The following SLC4A4 variants were observed in gnomAD, a reference collection of about 807,000 sequenced individuals.
The protein encoded by SLC4A4 is electrogenic sodium bicarbonate cotransporter 1.
SLC4A4 carries 27 observed loss-of-function variants against 111.5 expected under a neutral mutation model. The ratio of observed to expected loss-of-function variants is 0.24; its 90% CI spans 0.18 to 0.33. SLC4A4 has a LOEUF of 0.33. SLC4A4 is among the 10% of genes least tolerant of loss of function. The pLI, the probability that SLC4A4 is intolerant of heterozygous loss-of-function variation, is 1.00. For synonymous variants in SLC4A4, 443 were observed against 463.4 expected (o/e 0.96, Z 0.57); for missense variants, 909 against 1,315.5 (o/e 0.69, Z 4.78).
chr4:71,377,574 C>T (rs960292484), intron 6 of SLC4A4, among the ~76,000 whole-genome samples: 2 of 152,146 alleles, frequency 1.3e-5, no homozygotes, highest in African/African-American at 4.8e-5. Context: ...TAGCCCCAAA[C>T]ATCTGTGTGG....
Position 71,472,983 on chromosome 4 carries a change from C to A in SLC4A4, c.1903+13C>A. On this transcript the variant is annotated intron_variant, in intron 14 of 25. Transcript: ENST00000264485. Reference sequence around the variant, plus strand: ...CCACCTGACCCAGGTGAGGGCATTACGCTTTGTGTTTATGCTCGCTTTGTA... The same window carrying A: ...CCACCTGACCCAGGTGAGGGCATTAAGCTTTGTGTTTATGCTCGCTTTGTA... The A allele has an allele frequency of 1.2e-6, 2 of 1,612,778 alleles. No homozygotes were observed. The highest frequency in any genetic ancestry group is 8.5e-7 in the Non-Finnish European group (1 of 1,179,248).
At chr4:71,467,337 G>T (rs1727464336) in intron 13 of SLC4A4, among the ~76,000 whole-genome samples, 1 of 152,006 alleles carries the variant, frequency 6.6e-6, no homozygotes, top group Admixed American at 6.6e-5. Flanking sequence ...CCTCACCCCA[G>T]TTTCATGTTC....
intron 16 of SLC4A4, among the ~76,000 whole-genome samples, chr4:71,530,069 T>A (rs1259801468): frequency 6.6e-6 from 1 of 152,118 alleles, no homozygotes; most frequent in Non-Finnish European, 1.5e-5. Flanking sequence ...AGAAACATCC[T>A]TTTTTTGCTG....
chr4:71,160,538 G>A (rs1209178465), intron 2 of SLC4A4, among the ~76,000 whole-genome samples: 2 of 152,102 alleles, frequency 1.3e-5, no homozygotes, highest in Non-Finnish European at 1.5e-5. Flanking sequence ...AAATAATGAG[G>A]AGAAGAAACC....
chr4:71,392,032 T>A (rs1477142072), intron 6 of SLC4A4, among the ~76,000 whole-genome samples: 3 of 152,098 alleles, frequency 2.0e-5, no homozygotes, highest in Admixed American at 2.0e-4. Flanking sequence ...TCTTCTGAAA[T>A]GTCAGATGTA....
At chr4:71,200,475 C>T (rs140368211) in intron 1 of SLC4A4, among the ~76,000 whole-genome samples, 25 of 152,240 alleles carry the variant, frequency 1.6e-4, no homozygotes, top group African/African-American at 4.3e-4. Flanking sequence ...ATAATTCAGA[C>T]GTGGTCTCAG....
rs938554904 is a variant in SLC4A4, at chr4:71,236,173, G to T, written c.-1-403G>T. 7.2e-5 allele frequency: 76 copies of T among 1,058,242 alleles called. 1 individual carries two copies. In the Middle Eastern group the frequency reaches 1.8e-3, roughly 25 times the overall value. 65.6% of individuals were successfully genotyped at this position (1,058,242 alleles called of 1,614,324 possible). A position where few individuals can be genotyped will look rare whatever the true frequency, so the allele number is the denominator to read the frequency against. On this transcript the variant is annotated intron_variant, in intron 1 of 25. Transcript: ENST00000264485. ...GGTGTTTAAAGAGCTAAGCACTGAA[G>T]CTGGATTTCCACAAACGATCATCAC...
chr4:71,392,626 C>G (rs1293142683), intron 6 of SLC4A4, among the ~76,000 whole-genome samples: 1 of 152,004 alleles, frequency 6.6e-6, no homozygotes, highest in Non-Finnish European at 1.5e-5. Context: ...TCTTTTGACA[C>G]TATTCCACAA....
At chr4:71,232,552 C>G (rs1719504296) in intron 1 of SLC4A4, among the ~76,000 whole-genome samples, 1 of 152,104 alleles carries the variant, frequency 6.6e-6, no homozygotes, top group Admixed American at 6.5e-5. Flanking sequence ...GCTGGGACAA[C>G]AGGTGCACAC....
intron 1 of SLC4A4, among the ~76,000 whole-genome samples, chr4:71,071,606 G>T (rs184658378): frequency 6.6e-6 from 1 of 152,128 alleles, no homozygotes; most frequent in Non-Finnish European, 1.5e-5. Context: ...TGCTACTAGC[G>T]TCTTAAGTTA....
intron 1 of SLC4A4, among the ~76,000 whole-genome samples, chr4:71,198,883 A>T (rs570772842): frequency 6.6e-6 from 1 of 152,340 alleles, no homozygotes; most frequent in East Asian, 1.9e-4. Flanking sequence ...TACAGTGGGT[A>T]TTTATGTGAG....
Position 71,534,302 on chromosome 4 carries a change from A to C in SLC4A4, c.2356A>C (p.Ile786Leu). 1 of 1,613,758 alleles carries C rather than the reference A, an allele frequency of 6.2e-7. No individual in the cohort carries two copies. The highest frequency in any genetic ancestry group is 8.5e-7 in the Non-Finnish European group (1 of 1,179,792). The stretch of plus-strand genomic sequence containing the variant: ...CTGGTGGGTGTGCCTTGCTGCTGCT[A>C]TCCCGGCTTTGTTGGTCACTATACT... Reference protein sequence around the residue: ...NPWWVCLAAAIPALLVTILIF... With the variant: ...NPWWVCLAAALPALLVTILIF... Residue 786 changes from isoleucine to leucine, a missense_variant, in exon 18 of 26, where the codon ATC (isoleucine) becomes CTC (leucine). By Grantham distance (5) the Ile-to-Leu change is conservative. This residue lies in a region of SLC4A4 where 264 missense variants were observed against 356.8 expected (regional missense o/e 0.74). Coordinates refer to ENST00000264485, the MANE Select transcript of SLC4A4 (RefSeq NM_001098484.3).
At chr4:71,393,542 A>G (rs1719512797) in intron 6 of SLC4A4, among the ~76,000 whole-genome samples, 1 of 152,196 alleles carries the variant, frequency 6.6e-6, no homozygotes, top group Admixed American at 6.5e-5. Context: ...AACATATCCC[A>G]TGCTCATGGA....
At chr4:71,184,942 C>T (rs576778988), upstream of SLC4A4, among the ~76,000 whole-genome samples, 3 of 152,258 alleles carry the variant, frequency 2.0e-5, no homozygotes, top group African/African-American at 7.2e-5. Context: ...AACGCTTTGC[C>T]AAAGACTCTT....
At position 71,487,004 on chromosome 4, in the gene SLC4A4, T is replaced by C. The variant is rs775007084; in HGVS notation, c.1960T>C (p.Ser654Pro). Residue 654 changes from serine (S) to proline (P), a missense_variant, in exon 15 of 26, where the codon TCT (serine) becomes CCT (proline). Coordinates refer to ENST00000264485, the MANE Select transcript of SLC4A4 (RefSeq NM_001098484.3). ...TLAPEYLPTM[S>P]STDMYHNTTF... ...GGCCCCAGAGTATTTGCCAACTATG[T>C]CTTCTACTGACATGGTAAGTGACTT... is the stretch of plus-strand genomic sequence containing the variant. 6.3e-7 allele frequency: 1 copy of C among 1,594,614 alleles called. No homozygotes were observed. Among genetic ancestry groups the C allele is most frequent in the South Asian group, 1.1e-5 (1 of 90,610 alleles).
intron 2 of SLC4A4, among the ~76,000 whole-genome samples, chr4:71,129,113 T>C (rs190679039): frequency 1.8e-4 from 28 of 152,132 alleles, no homozygotes; most frequent in Non-Finnish European, 2.9e-5. Flanking sequence ...AATTGACAAA[T>C]GGGATCTAAT....
At chr4:71,450,261 C>CT in intron 9 of SLC4A4, 128 bp from the exon 10 acceptor site, 1 of 737,352 alleles carries the variant, frequency 1.4e-6, no homozygotes, top group Non-Finnish European at 2.4e-6. Context: ...ATAATAGGGA[C>CT]TATCAGAGCA....
chr4:71,194,599 T>C (rs2148997351), intron 1 of SLC4A4, among the ~76,000 whole-genome samples: 1 of 152,290 alleles, frequency 6.6e-6, no homozygotes, highest in Non-Finnish European at 1.5e-5. Flanking sequence ...TAGTTCATAT[T>C]GAATTTATGC....
At chr4:71,244,253 C>T (rs1156755054) in intron 2 of SLC4A4, among the ~76,000 whole-genome samples, 1 of 152,132 alleles carries the variant, frequency 6.6e-6, no homozygotes, top group Non-Finnish European at 1.5e-5. Context: ...TGGTGGTGGA[C>T]CAGTAGTCTC....
Sources: gnomAD v4.1 joint callset for allele counts (sites outside exome capture counted in the v4.1 genomes callset) on GRCh38, gnomAD v4.1.1 for gene constraint, gnomAD v4.1.1 regional missense constraint, MANE v1.5 for transcripts, NCBI Gene and HGNC (gene_info 2026-07-23, HGNC 2026-07-21) for gene names.